The following POU1F1 variants were observed in gnomAD, a reference collection of about 807,000 sequenced individuals.
The protein encoded by POU1F1 is POU class 1 homeobox 1, also known as pituitary-specific positive transcription factor 1.
In POU1F1, 23 loss-of-function variants were observed where a neutral mutation model predicts 32.3. That is an observed-to-expected ratio of 0.71 (90% CI 0.51 to 1.01). The LOEUF is 1.01. Among genes scored for constraint, POU1F1 ranks in the 50% least tolerant of loss-of-function variants. The pLI is 0.00. For synonymous variants in POU1F1, 120 were observed against 115.6 expected, an observed-to-expected ratio of 1.04 and a Z score of -0.25; for missense variants, 323 against 341.6, an observed-to-expected ratio of 0.95 and a Z score of 0.43.
intron 3 of POU1F1, among the ~76,000 whole-genome samples, chr3:87,263,279 A>G (rs183735473): frequency 1.4e-4 from 21 of 152,300 alleles, no homozygotes; most frequent in African/African-American, 5.1e-4. Flanking sequence ...ACTCATAATA[A>G]AAGAAATTTT....
chr3:87,260,122 TAGG>T lies in POU1F1; in HGVS notation c.666-21_666-19del. The T allele has an allele frequency of 9.4e-6, 15 of 1,602,292 alleles. No individual in the cohort carries two copies. The highest frequency in any genetic ancestry group is 1.3e-5 in the Non-Finnish European group (15 of 1,171,988). ...CAGCAATGCTGGCGGGGGGTGGACATAGGGGGTGAAATTTTGTTGTTTTTAGTG... is the reference window on the plus strand; with the variant it reads ...CAGCAATGCTGGCGGGGGGTGGACATGGGTGAAATTTTGTTGTTTTTAGTG... On this transcript the variant is annotated intron_variant, in intron 5 of 5. Transcript: ENST00000350375.
At chr3:87,263,675 C>A (rs912845452) in intron 3 of POU1F1, among the ~76,000 whole-genome samples, 2 of 151,892 alleles carry the variant, frequency 1.3e-5, no homozygotes, top group Admixed American at 6.6e-5. Context: ...GGTTAATCAT[C>A]GTGGTATCGT....
At chr3:87,273,636 G>A in intron 1 of POU1F1, 2 of 782,522 alleles carry the variant, frequency 2.6e-6, no homozygotes, top group South Asian at 1.9e-5. Flanking sequence ...AAACTAGGGG[G>A]GATCAAAGTT....
At chr3:87,268,560 T>C (rs1000777526) in intron 2 of POU1F1, among the ~76,000 whole-genome samples, 12 of 151,476 alleles carry the variant, frequency 7.9e-5, no homozygotes, top group African/African-American at 2.2e-4. Context: ...TTTGGGGGAG[T>C]GTGGAGAGTG....
chr3:87,272,853 A>AG (rs1377433111), intron 2 of POU1F1, among the ~76,000 whole-genome samples: 4 of 126,472 alleles, frequency 3.2e-5, no homozygotes, highest in South Asian at 2.6e-4. Context: ...TATAATGATG[A>AG]GGGGGGGTGT....
In POU1F1 at chr3:87,273,365, T is replaced by C. The variant is rs1236445180; in HGVS notation, c.196A>G (p.Thr66Ala). The change falls in exon 2 of 6, where the codon ACC (threonine) becomes GCC (alanine). Residue 66 changes from threonine to alanine, a missense_variant. Transcript: ENST00000350375. ...TTCTTACCTGCCATCACTCCATAGGTTGATGGCTGGTTTCCATAATGACAG... is the reference window on the plus strand; with the variant it reads ...TTCTTACCTGCCATCACTCCATAGGCTGATGGCTGGTTTCCATAATGACAG... ...PSCHYGNQPS[T>A]YGVMAGSLTP... 2.0e-5 allele frequency: 32 copies of C among 1,612,516 alleles called. No homozygotes were observed. Among genetic ancestry groups the C allele is most frequent in the Non-Finnish European group, 2.6e-5 (31 of 1,179,166 alleles).
In POU1F1 at chr3:87,276,505, A is replaced by C; in HGVS notation, c.-43T>G. 1.2e-6 allele frequency: 2 copies of C among 1,603,590 alleles called. No individual in the cohort carries two copies. The highest frequency in any genetic ancestry group is 2.2e-5 in the South Asian group (2 of 90,010). The stretch of plus-strand genomic sequence containing the variant: ...AAAATAAGGAGAACCGCTGCTCCCC[A>C]AATCAGAGTTTTATTATATTACTGT... On this transcript the variant is annotated 5_prime_UTR_variant, in exon 1 of 6. Coordinates refer to ENST00000350375, the MANE Select transcript of POU1F1 (RefSeq NM_000306.4).
In POU1F1 at chr3:87,262,241, A is replaced by T. The variant is rs1706527819; in HGVS notation, c.440-6T>A. 6.2e-7 allele frequency: 1 copy of T among 1,613,812 alleles called. No individual in the cohort carries two copies. The highest frequency in any genetic ancestry group is 1.3e-5 in the African/African-American group (1 of 74,930). On this transcript the variant is annotated splice_polypyrimidine_tract_variant and splice_region_variant and intron_variant, in intron 3 of 5. Coordinates refer to ENST00000350375, the MANE Select transcript of POU1F1 (RefSeq NM_000306.4). ...AACATTTGTCTGGGTGTATCCTGTG[A>T]AGGGACAATAAAGACCATCAGCTCC...
At chr3:87,275,949 G>T (rs1022655938) in intron 1 of POU1F1, among the ~76,000 whole-genome samples, 4 of 152,162 alleles carry the variant, frequency 2.6e-5, no homozygotes, top group Non-Finnish European at 4.4e-5. Flanking sequence ...TTAAGATAAA[G>T]AAGTAGCACC....
At chr3:87,271,231 C>G (rs4549275) in intron 2 of POU1F1, among the ~76,000 whole-genome samples, 1 of 152,056 alleles carries the variant, frequency 6.6e-6, no homozygotes, top group Non-Finnish European at 1.5e-5. Flanking sequence ...AAACTTGTAT[C>G]AGAAAGACAT....
chr3:87,264,064 A>C (rs571573001), intron 3 of POU1F1, among the ~76,000 whole-genome samples: 1 of 152,230 alleles, frequency 6.6e-6, no homozygotes, highest in Admixed American at 6.6e-5. Context: ...TGTTGAGGTA[A>C]GTTTTGAAAG....
At chr3:87,263,835 A>C (rs1203709665) in intron 3 of POU1F1, among the ~76,000 whole-genome samples, 1 of 151,954 alleles carries the variant, frequency 6.6e-6, no homozygotes, top group Non-Finnish European at 1.5e-5. Context: ...CAAATAATAC[A>C]TATGTTTGGC....
rs1242697178 is a variant in POU1F1, at chr3:87,259,851, G to A, written c.*43C>T. Reference sequence around the variant, plus strand: ...TTCTGTTTTTGTTGAGGAAGAGAAAGGAATGAAACGGGAGAAAAAGGCTAT... The same window carrying A: ...TTCTGTTTTTGTTGAGGAAGAGAAAAGAATGAAACGGGAGAAAAAGGCTAT... On this transcript the variant is annotated 3_prime_UTR_variant, in exon 6 of 6. Transcript: ENST00000350375. 39 of 1,515,160 alleles carry A rather than the reference G, an allele frequency of 2.6e-5. No individual in the cohort carries two copies. The highest frequency in any genetic ancestry group is 3.6e-5 in the Non-Finnish European group (39 of 1,092,300). The allele number at this position is 1,515,160 out of a possible 1,614,324, so 93.9% of individuals were successfully genotyped here.
intron 1 of POU1F1, among the ~76,000 whole-genome samples, chr3:87,275,473 G>A (rs995869668): frequency 6.6e-6 from 1 of 152,038 alleles, no homozygotes; most frequent in Non-Finnish European, 1.5e-5. Context: ...GAGAAAAATT[G>A]CATTTAAAAC....
At chr3:87,272,896 G>A (rs376047694) in intron 2 of POU1F1, among the ~76,000 whole-genome samples, 3 of 152,212 alleles carry the variant, frequency 2.0e-5, no homozygotes, top group East Asian at 3.9e-4. Context: ...TATGGGAGTC[G>A]CTAGCCACAT....
At chr3:87,264,736 G>C (rs1447685778) in intron 2 of POU1F1, among the ~76,000 whole-genome samples, 1 of 152,036 alleles carries the variant, frequency 6.6e-6, no homozygotes, top group East Asian at 1.9e-4. Flanking sequence ...ACCAAAGATA[G>C]GGTTAAAGGA....
chr3:87,264,658 G>A (rs532480106), intron 2 of POU1F1, 146 bp from the exon 3 acceptor site: 100 of 683,852 alleles, frequency 1.5e-4, no homozygotes, highest in Admixed American at 5.5e-4. Context: ...TCAGTCTTCC[G>A]AAGAAGGAGT....
chr3:87,273,247 T>A (rs1706759567), intron 2 of POU1F1, 100 bp downstream of exon 2: 1 of 1,283,480 alleles, frequency 7.8e-7, no homozygotes, highest in Admixed American at 1.9e-5. Context: ...AGTTAAGAAA[T>A]CAAATTTCAT....
intron 3 of POU1F1, among the ~76,000 whole-genome samples, chr3:87,263,425 T>C (rs777264733): frequency 6.6e-6 from 1 of 152,132 alleles, no homozygotes; most frequent in Non-Finnish European, 1.5e-5. Flanking sequence ...GCTGGAGATA[T>C]CATTAAGGAG....
Sources: gnomAD v4.1 joint callset for allele counts (sites outside exome capture counted in the v4.1 genomes callset) on GRCh38, gnomAD v4.1.1 for gene constraint, MANE v1.5 for transcripts, NCBI Gene and HGNC (gene_info 2026-07-23, HGNC 2026-07-21) for gene names.